ACACA: variants seen among roughly 807,000 people sequenced by gnomAD.
ACACA encodes acetyl-CoA carboxylase 1.
In ACACA, 103 loss-of-function variants were observed where a neutral mutation model predicts 296.1. The observed-to-expected ratio is 0.35, with a 90% CI of 0.30 to 0.41. The LOEUF (loss-of-function observed/expected upper bound fraction) is 0.41, where lower values mean the gene tolerates loss of function less well. Among genes scored for constraint, ACACA ranks in the 10% least tolerant of loss-of-function variants. ACACA has a pLI of 1.00. For missense variants in ACACA, 1,554 were observed against 2,989.7 expected, an observed-to-expected ratio of 0.52 and a Z score of 11.20; for synonymous variants, 953 against 1,038.6, an observed-to-expected ratio of 0.92 and a Z score of 1.58.
intron 25 of ACACA, among the ~76,000 whole-genome samples, chr17:37,227,786 G>A (rs2079616263): frequency 6.6e-6 from 1 of 151,196 alleles, no homozygotes; most frequent in African/African-American, 2.4e-5. Context: ...CGTGAACCCG[G>A]GAGGTGGACC....
At chr17:37,222,115 T>C (rs2079322851) in intron 28 of ACACA, 1 of 475,952 alleles carries the variant, frequency 2.1e-6, no homozygotes, top group African/African-American at 2.0e-5. Flanking sequence ...ACCTAAACCC[T>C]GGAGAAGGTT....
chr17:37,386,006 T>C (rs772383026), intron 1 of ACACA: 48 of 1,563,074 alleles, frequency 3.1e-5, no homozygotes, highest in Non-Finnish European at 3.9e-5. Context: ...CTTTGTTTTA[T>C]AGCTTTTTTA....
intron 3 of ACACA, among the ~76,000 whole-genome samples, chr17:37,316,623 G>A (rs1008558143): frequency 1.3e-5 from 2 of 152,042 alleles, no homozygotes; most frequent in Non-Finnish European, 2.9e-5. Context: ...CTGCCACTAC[G>A]GAAAGCAGTA....
At chr17:37,140,399 A>G (rs2075517359) in intron 45 of ACACA, among the ~76,000 whole-genome samples, 1 of 152,126 alleles carries the variant, frequency 6.6e-6, no homozygotes, top group African/African-American at 2.4e-5. Flanking sequence ...CTAATACGCA[A>G]TAACTTTAAA....
At chr17:37,138,666 G>A (rs1050008399) in intron 45 of ACACA, among the ~76,000 whole-genome samples, 1 of 152,176 alleles carries the variant, frequency 6.6e-6, no homozygotes, top group African/African-American at 2.4e-5. Flanking sequence ...CCCCAAAGTT[G>A]TAAGAGTACA....
chr17:37,364,622 T>C (rs1396852214), intron 1 of ACACA, among the ~76,000 whole-genome samples: 1 of 30,562 alleles, frequency 3.3e-5, no homozygotes, highest in African/African-American at 2.4e-4. Context: ...GAAAAGAAAA[T>C]AGAACCATGA....
intron 29 of ACACA, among the ~76,000 whole-genome samples, chr17:37,212,719 G>C (rs1306215754): frequency 6.6e-6 from 1 of 150,400 alleles, no homozygotes; most frequent in Non-Finnish European, 1.5e-5. Context: ...TTGAACTCCT[G>C]AGCTCAAGTG....
In ACACA at chr17:37,318,945, T is replaced by C. The variant is rs201181800; in HGVS notation, c.338+11228A>G. Among the ~76,000 whole-genome samples, 7 of 152,348 alleles carry C rather than the reference T, an allele frequency of 4.6e-5. No individual in the cohort carries two copies. The East Asian group carries it at 7.7e-4, about 17-fold the overall frequency. ...TCATAAATGGTACATAAAATGATTA[T>C]AAAATTCATTAAAATATCATCATTA... On this transcript the variant is annotated intron_variant, in intron 3 of 55. Coordinates refer to ENST00000616317, the MANE Select transcript of ACACA (RefSeq NM_198834.3).
intron 54 of ACACA, among the ~76,000 whole-genome samples, chr17:37,092,059 AG>A: frequency 6.6e-6 from 1 of 151,738 alleles, no homozygotes; most frequent in East Asian, 2.0e-4. Flanking sequence ...AGGCTGAGGC[AG>A]GGAATTGCTG....
intron 50 of ACACA, among the ~76,000 whole-genome samples, chr17:37,118,112 C>A (rs965012371): frequency 6.6e-6 from 1 of 152,174 alleles, no homozygotes; most frequent in Non-Finnish European, 1.5e-5. Flanking sequence ...TGTTCCTCCC[C>A]CTCCTACCTT....
intron 1 of ACACA, among the ~76,000 whole-genome samples, chr17:37,397,937 A>C (rs1453732326): frequency 6.6e-6 from 1 of 152,094 alleles, no homozygotes; most frequent in African/African-American, 2.4e-5. Context: ...AAATAAAAAA[A>C]TGTAAAATGG....
intron 1 of ACACA, among the ~76,000 whole-genome samples, chr17:37,357,148 A>T (rs1298959526): frequency 1.3e-5 from 2 of 152,198 alleles, no homozygotes; most frequent in Non-Finnish European, 2.9e-5. Flanking sequence ...TTCCTTTTTA[A>T]AAAGCAATTT....
intron 10 of ACACA, among the ~76,000 whole-genome samples, chr17:37,270,073 T>C (rs1180708829): frequency 6.6e-6 from 1 of 152,194 alleles, no homozygotes; most frequent in Non-Finnish European, 1.5e-5. Flanking sequence ...ATGTATAGTA[T>C]GGCCACATCA....
chr17:37,273,209 T>C (rs2082140714), intron 9 of ACACA, among the ~76,000 whole-genome samples: 1 of 152,192 alleles, frequency 6.6e-6, no homozygotes, highest in African/African-American at 2.4e-5. Context: ...CCTCTTGAAT[T>C]TACATGACAC....
rs183637087 is a variant in ACACA, at chr17:37,379,321, C to T, written c.38+26941G>A. ...CTCCCCGCAGAAACAGCTCTGCCTC[C>T]TCAAGCTGTCACCTAATCCCCACAT... is the stretch of plus-strand genomic sequence containing the variant. On this transcript the variant is annotated intron_variant, in intron 1 of 55. Transcript: ENST00000616317. The T allele has an allele frequency of 2.9e-4, 474 of 1,613,960 alleles. No homozygotes were observed. The African/African-American group carries it at 5.8e-3, about 20-fold the overall frequency.
chr17:37,180,047 T>G (rs932337925), intron 40 of ACACA, among the ~76,000 whole-genome samples: 2 of 152,214 alleles, frequency 1.3e-5, no homozygotes, highest in Non-Finnish European at 2.9e-5. Flanking sequence ...CTTTGTGAAG[T>G]GGGAGCTAAT....
intron 45 of ACACA, among the ~76,000 whole-genome samples, chr17:37,131,092 C>T (rs2075072427): frequency 6.6e-6 from 1 of 151,932 alleles, no homozygotes; most frequent in Non-Finnish European, 1.5e-5. Flanking sequence ...GGGTGCAGGG[C>T]TGTGATTTAT....
intron 50 of ACACA, among the ~76,000 whole-genome samples, chr17:37,119,923 T>G (rs2074444641): frequency 6.6e-6 from 1 of 150,602 alleles, no homozygotes; most frequent in African/African-American, 2.4e-5. Context: ...GATGGAGTCT[T>G]GCTCTGTCGC....
chr17:37,381,228 C>A (rs1190256862), intron 1 of ACACA, among the ~76,000 whole-genome samples: 1 of 152,022 alleles, frequency 6.6e-6, no homozygotes, highest in Non-Finnish European at 1.5e-5. Context: ...CTCTGTCACC[C>A]AGGCTGGAGC....
Sources: gnomAD v4.1 joint callset for allele counts (sites outside exome capture counted in the v4.1 genomes callset) on GRCh38, gnomAD v4.1.1 for gene constraint, MANE v1.5 for transcripts, NCBI Gene and HGNC (gene_info 2026-07-23, HGNC 2026-07-21) for gene names.